The following KIF2A variants were observed in gnomAD, a reference collection of about 807,000 sequenced individuals.
KIF2A encodes the protein kinesin-like protein KIF2A.
Under a neutral mutation model 100.2 loss-of-function variants are expected in KIF2A, and 22 were observed. That is an observed-to-expected ratio of 0.22 (90% confidence interval 0.16 to 0.31). The LOEUF is 0.31. Ranked by LOEUF, KIF2A falls within the 10% of genes least tolerant of loss-of-function variation. KIF2A has a pLI of 1.00. For missense variants in KIF2A, 495 were observed against 898.7 expected (o/e 0.55, Z 5.74); for synonymous variants, 268 against 285.9 (o/e 0.94, Z 0.63).
At chr5:62,376,990 A>T (rs1253383878) in intron 18 of KIF2A, among the ~76,000 whole-genome samples, 1 of 152,144 alleles carries the variant, frequency 6.6e-6, no homozygotes, top group Non-Finnish European at 1.5e-5. Context: ...TCTCTCAAAT[A>T]CTGTATTTTC....
intron 7 of KIF2A, among the ~76,000 whole-genome samples, chr5:62,356,626 C>T (rs1169682267): frequency 6.6e-6 from 1 of 152,052 alleles, no homozygotes; most frequent in African/African-American, 2.4e-5. Flanking sequence ...TAAAATAGTT[C>T]AAATTATTTG....
chr5:62,345,012 A>G (rs1747483886), intron 1 of KIF2A, among the ~76,000 whole-genome samples: 1 of 151,842 alleles, frequency 6.6e-6, no homozygotes, highest in Non-Finnish European at 1.5e-5. Context: ...TATGGAGGCC[A>G]AGGTGGGCAG....
chr5:62,374,632 T>C (rs1340545606), intron 18 of KIF2A, among the ~76,000 whole-genome samples: 1 of 152,126 alleles, frequency 6.6e-6, no homozygotes, highest in Non-Finnish European at 1.5e-5. Context: ...ATTACACATA[T>C]AATAAATATT....
rs748314027 is a variant in KIF2A, at chr5:62,358,165, C to G, written c.738C>G (p.Ile246Met). ...CTCAAATGAAAGATCTTGATGTAAT[C>G]ACAATTCCTAGTAAAGATGTTGTGA... ...KETQMKDLDV[I>M]TIPSKDVVMV... The change falls in exon 9 of 21, where the codon ATC becomes ATG. Residue 246 changes from isoleucine to methionine, a missense_variant. By Grantham distance (10) the Ile-to-Met change is conservative. Coordinates refer to ENST00000407818, the MANE Select transcript of KIF2A (RefSeq NM_001098511.3). 6.3e-7 allele frequency: 1 copy of G among 1,584,392 alleles called. No individual in the cohort carries two copies. Among genetic ancestry groups the G allele is most frequent in the Non-Finnish European group, 8.5e-7 (1 of 1,170,386 alleles).
At chr5:62,328,197 TTC>T (rs1246946431) in intron 1 of KIF2A, among the ~76,000 whole-genome samples, 1 of 147,766 alleles carries the variant, frequency 6.8e-6, no homozygotes, top group Non-Finnish European at 1.5e-5. Flanking sequence ...TTGGTATATA[TTC>T]TGTTATCCAA....
chr5:62,309,580 A>C (rs1456257558), intron 1 of KIF2A, among the ~76,000 whole-genome samples: 1 of 152,202 alleles, frequency 6.6e-6, no homozygotes, highest in Non-Finnish European at 1.5e-5. Context: ...ACTAGTGGTT[A>C]TTATAACAAA....
chr5:62,327,643 A>C (rs1746444589), intron 1 of KIF2A, among the ~76,000 whole-genome samples: 1 of 152,204 alleles, frequency 6.6e-6, no homozygotes. Flanking sequence ...CAGTGATCTC[A>C]TTCTTCTTTA....
chr5:62,350,150 G>C (rs1747778058), intron 4 of KIF2A, 30 bp downstream of exon 4: 1 of 1,312,154 alleles, frequency 7.6e-7, no homozygotes, highest in East Asian at 2.5e-5. Flanking sequence ...CTTAATTTTG[G>C]CTATTGACTT....
chr5:62,348,407 T>C (rs1330409880), intron 3 of KIF2A, among the ~76,000 whole-genome samples: 1 of 152,244 alleles, frequency 6.6e-6, no homozygotes, highest in Non-Finnish European at 1.5e-5. Flanking sequence ...GTATTTTTCC[T>C]GAGACTAAGT....
At chr5:62,353,946 C>T (rs1420063834) in intron 6 of KIF2A, among the ~76,000 whole-genome samples, 2 of 149,246 alleles carry the variant, frequency 1.3e-5, no homozygotes, top group African/African-American at 2.6e-5. Context: ...CAGGTCTTTA[C>T]ATATTAGACA....
chr5:62,334,607 C>T (rs781543913), intron 1 of KIF2A, among the ~76,000 whole-genome samples: 50 of 152,008 alleles, frequency 3.3e-4, no homozygotes, highest in Non-Finnish European at 5.3e-4. Context: ...TCAACCTCTA[C>T]TCCTGGGGCC....
intron 16 of KIF2A, among the ~76,000 whole-genome samples, chr5:62,371,645 A>T (rs1002927028): frequency 1.3e-5 from 2 of 152,196 alleles, no homozygotes; most frequent in African/African-American, 4.8e-5. Flanking sequence ...AAAATCAAAG[A>T]TGGTTGAAGG....
chr5:62,314,021 G>A (rs1745683825), intron 1 of KIF2A, among the ~76,000 whole-genome samples: 1 of 151,936 alleles, frequency 6.6e-6, no homozygotes, highest in African/African-American at 2.4e-5. Context: ...TGAACTCCTG[G>A]CCTCAAGCAA....
chr5:62,349,934 TATA>T lies in KIF2A; in HGVS notation c.280-131_280-129del. On this transcript the variant is annotated intron_variant, in intron 3 of 20. Coordinates refer to ENST00000407818, the MANE Select transcript of KIF2A (RefSeq NM_001098511.3). ...AGCATTAATAGTAATTCATTAAGATTATAGTTTTTCTTCATTTTGTTTTATATT... is the reference window on the plus strand; with the variant it reads ...AGCATTAATAGTAATTCATTAAGATTGTTTTTCTTCATTTTGTTTTATATT... 5.0e-6 allele frequency: 3 copies of T among 599,944 alleles called. No homozygotes were observed. In the South Asian group the frequency reaches 5.8e-5, roughly 12 times the overall value. 37.2% of individuals were successfully genotyped at this position (599,944 alleles called of 1,614,324 possible). A position where few individuals can be genotyped will look rare whatever the true frequency, so the allele number is the denominator to read the frequency against.
intron 1 of KIF2A, 139 bp downstream of exon 1, chr5:62,306,675 G>A: frequency 1.5e-6 from 1 of 667,614 alleles, no homozygotes; most frequent in East Asian, 3.2e-5. Flanking sequence ...GCGCTTTTGT[G>A]TGTGGCGTGT....
intron 1 of KIF2A, among the ~76,000 whole-genome samples, chr5:62,326,136 A>C (rs566588027): frequency 5.7e-4 from 87 of 152,328 alleles, no homozygotes; most frequent in African/African-American, 2.1e-3. Flanking sequence ...AGTTAAAAAA[A>C]AATGCCTCTG....
In KIF2A at chr5:62,385,829, T is replaced by G; in HGVS notation, c.*260T>G. ...ATAGTGATTTACTTTTGGAGATCCT[T>G]GTCAGTTTTATTTTCTATTTGATGA... On this transcript the variant is annotated 3_prime_UTR_variant, in exon 21 of 21. Transcript: ENST00000407818. 6.7e-6 allele frequency: 3 copies of G among 446,106 alleles called. No individual in the cohort carries two copies. Among genetic ancestry groups the G allele is most frequent in the Middle Eastern group, 5.9e-4 (1 of 1,696 alleles). The allele number at this position is 446,106 out of a possible 1,614,324, so 27.6% of individuals were successfully genotyped here. A position where few individuals can be genotyped will look rare whatever the true frequency, so the allele number is the denominator to read the frequency against.
At chr5:62,330,726 A>G (rs1212892738) in intron 1 of KIF2A, among the ~76,000 whole-genome samples, 2 of 152,190 alleles carry the variant, frequency 1.3e-5, no homozygotes, top group Non-Finnish European at 2.9e-5. Flanking sequence ...TCTATTAAAA[A>G]TGCTTTTAAA....
intron 6 of KIF2A, among the ~76,000 whole-genome samples, chr5:62,354,331 CA>C (rs1337723676): frequency 6.6e-6 from 1 of 152,088 alleles, no homozygotes; most frequent in Non-Finnish European, 1.5e-5. Context: ...TCTCAGTTGA[CA>C]TAGGTGGTAT....
Sources: gnomAD v4.1 joint callset for allele counts (sites outside exome capture counted in the v4.1 genomes callset) on GRCh38, gnomAD v4.1.1 for gene constraint, MANE v1.5 for transcripts, NCBI Gene and HGNC (gene_info 2026-07-23, HGNC 2026-07-21) for gene names.